The following SUCLA2 variants were observed in gnomAD, a reference collection of about 807,000 sequenced individuals.
The protein encoded by SUCLA2 is succinate-CoA ligase ADP-forming subunit beta, also known as succinate--CoA ligase [ADP-forming] subunit beta, mitochondrial.
SUCLA2 carries 30 observed loss-of-function variants against 54.8 expected under a neutral mutation model. The ratio of observed to expected loss-of-function variants is 0.55; its 90% CI spans 0.41 to 0.74. The LOEUF is 0.74. SUCLA2 is among the 30% of genes least tolerant of loss of function. SUCLA2 has a pLI of 0.00. For synonymous variants in SUCLA2, 172 were observed against 188.9 expected (o/e 0.91, Z 0.74); for missense variants, 476 against 562.9 (o/e 0.85, Z 1.56).
At chr13:47,950,737 C>T (rs938931072) in intron 8 of SUCLA2, among the ~76,000 whole-genome samples, 6 of 152,108 alleles carry the variant, frequency 3.9e-5, no homozygotes, top group African/African-American at 1.4e-4. Flanking sequence ...TGTAGATACA[C>T]CAAAATATCA....
chr13:47,978,590 AG>A (rs1433826084), intron 4 of SUCLA2, among the ~76,000 whole-genome samples: 1 of 152,240 alleles, frequency 6.6e-6, no homozygotes, highest in African/African-American at 2.4e-5. Flanking sequence ...AATACCATTC[AG>A]GACATAGGCA....
intron 6 of SUCLA2, among the ~76,000 whole-genome samples, chr13:47,958,803 A>C (rs1321529536): frequency 3.9e-5 from 6 of 152,226 alleles, no homozygotes; most frequent in Non-Finnish European, 8.8e-5. Flanking sequence ...AGATTATAAA[A>C]TGGTTAATAA....
At chr13:47,986,023 T>C (rs923154671) in intron 4 of SUCLA2, among the ~76,000 whole-genome samples, 3 of 137,660 alleles carry the variant, frequency 2.2e-5, no homozygotes, top group African/African-American at 5.3e-5. Context: ...GTTGGCCATA[T>C]GTATAGTTTT....
chr13:47,962,881 A>C (rs921374222), intron 6 of SUCLA2, among the ~76,000 whole-genome samples: 2 of 152,114 alleles, frequency 1.3e-5, no homozygotes, highest in African/African-American at 4.8e-5. Context: ...TCAGGAAGGG[A>C]CCTTGGGACC....
At chr13:47,982,254 A>G (rs143210344) in intron 4 of SUCLA2, among the ~76,000 whole-genome samples, 400 of 152,356 alleles carry the variant, frequency 2.6e-3, no homozygotes, top group African/African-American at 9.2e-3. Context: ...ATAAAATGGA[A>G]TAGTACTCAG....
intron 4 of SUCLA2, among the ~76,000 whole-genome samples, chr13:47,978,686 A>C (rs1395783229): frequency 6.6e-6 from 1 of 152,238 alleles, no homozygotes; most frequent in East Asian, 1.9e-4. Flanking sequence ...ATTAAACTAA[A>C]GAGCTTCTGG....
chr13:47,985,179 GAAGT>G (rs1295353246), intron 4 of SUCLA2, among the ~76,000 whole-genome samples: 1 of 152,176 alleles, frequency 6.6e-6, no homozygotes, highest in Non-Finnish European at 1.5e-5. Flanking sequence ...GTCAGTAATA[GAAGT>G]AATTGTTTTC....
At chr13:47,961,240 G>A (rs1949868866) in intron 6 of SUCLA2, among the ~76,000 whole-genome samples, 1 of 152,120 alleles carries the variant, frequency 6.6e-6, no homozygotes, top group Non-Finnish European at 1.5e-5. Flanking sequence ...AGAGATAAAA[G>A]ATTTTGTTTG....
At chr13:47,954,997 C>T (rs923687201) in intron 6 of SUCLA2, among the ~76,000 whole-genome samples, 1 of 151,702 alleles carries the variant, frequency 6.6e-6, no homozygotes, top group Admixed American at 6.6e-5. Context: ...TAAATCTTGC[C>T]GACTTGCTAA....
intron 5 of SUCLA2, among the ~76,000 whole-genome samples, 171 bp downstream of exon 5, chr13:47,973,093 T>G (rs1337938999): frequency 6.6e-6 from 1 of 152,100 alleles, no homozygotes; most frequent in African/African-American, 2.4e-5. Flanking sequence ...TTTATAGAGA[T>G]ATGAAAAAAT....
intron 9 of SUCLA2, 65 bp from the exon 10 acceptor site, chr13:47,949,093 G>A: frequency 1.3e-6 from 2 of 1,490,856 alleles, no homozygotes; most frequent in Admixed American, 1.7e-5. Context: ...TAAAATGTTT[G>A]CCAAAACATG....
At chr13:48,000,659 T>C (rs192895994) in intron 1 of SUCLA2, among the ~76,000 whole-genome samples, 1 of 152,328 alleles carries the variant, frequency 6.6e-6, no homozygotes, top group Admixed American at 6.5e-5. Context: ...TATTAACAAG[T>C]AGAACAGTAT....
At chr13:47,957,840 A>T (rs1187061528) in intron 6 of SUCLA2, among the ~76,000 whole-genome samples, 1 of 152,158 alleles carries the variant, frequency 6.6e-6, no homozygotes, top group Non-Finnish European at 1.5e-5. Context: ...TTTGCAGTTG[A>T]CCAAGCCCAA....
intron 4 of SUCLA2, among the ~76,000 whole-genome samples, chr13:47,979,589 A>T (rs1950045414): frequency 6.6e-6 from 1 of 152,172 alleles, no homozygotes; most frequent in South Asian, 2.1e-4. Flanking sequence ...ATACCTATGT[A>T]ACAAACCTGC....
chr13:47,964,310 G>C (rs1431497438), intron 6 of SUCLA2, among the ~76,000 whole-genome samples: 1 of 152,126 alleles, frequency 6.6e-6, no homozygotes, highest in African/African-American at 2.4e-5. Flanking sequence ...ACAGGGACAG[G>C]GTAGGAAAGA....
intron 6 of SUCLA2, among the ~76,000 whole-genome samples, chr13:47,959,557 CCAGGAGAAG>C (rs2137701814): frequency 1.4e-5 from 2 of 146,462 alleles, no homozygotes; most frequent in South Asian, 4.4e-4. Flanking sequence ...ATCGGAAAGC[CCAGGAGAAG>C]GAGGAGGAGG....
intron 5 of SUCLA2, among the ~76,000 whole-genome samples, chr13:47,969,127 A>G (rs1463876997): frequency 2.0e-5 from 3 of 152,174 alleles, no homozygotes; most frequent in African/African-American, 7.2e-5. Context: ...AATGCCTGCA[A>G]TTTGAAAGAC....
chr13:47,966,531 A>AG (rs1949919839), intron 6 of SUCLA2, among the ~76,000 whole-genome samples: 1 of 151,226 alleles, frequency 6.6e-6, no homozygotes, highest in Admixed American at 6.6e-5. Flanking sequence ...TTTTTAAAAA[A>AG]AAAAAAAAAA....
chr13:47,968,469 T>G, intron 6 of SUCLA2, 126 bp downstream of exon 6: 2 of 1,080,414 alleles, frequency 1.9e-6, no homozygotes, highest in Non-Finnish European at 2.7e-6. Context: ...TCTATCTGAT[T>G]TTTTTTTAAA....
Sources: gnomAD v4.1 joint callset for allele counts (sites outside exome capture counted in the v4.1 genomes callset) on GRCh38, gnomAD v4.1.1 for gene constraint, MANE v1.5 for transcripts, NCBI Gene and HGNC (gene_info 2026-07-23, HGNC 2026-07-21) for gene names.